The following ECRG4 variants were observed in gnomAD, a reference collection of about 807,000 sequenced individuals.
ECRG4 encodes ECRG4 augurin precursor.
Under a neutral mutation model 15.8 loss-of-function variants are expected in ECRG4, and 18 were observed. The observed-to-expected ratio is 1.14, with a 90% CI of 0.79 to 1.69. ECRG4 has a LOEUF of 1.69. Among genes scored for constraint, ECRG4 ranks in the 40% most tolerant of loss-of-function variants. The pLI is 0.00. For synonymous variants in ECRG4, 82 were observed against 73.9 expected (o/e 1.11, Z -0.56); for missense variants, 200 against 190.9 (o/e 1.05, Z -0.28).
At chr2:106,071,756 G>A (rs1439447174) in intron 1 of ECRG4, 88 bp from the exon 2 acceptor site, 11 of 1,117,350 alleles carry the variant, frequency 9.8e-6, no homozygotes, top group Non-Finnish European at 1.5e-5. Context: ...GGGGCCCGCA[G>A]TTCTTTTCTC....
upstream of ECRG4, chr2:106,065,602 C>T: frequency 2.1e-6 from 1 of 469,598 alleles, no homozygotes; most frequent in Middle Eastern, 5.8e-4. Context: ...CCGCTTGGCC[C>T]TCAGCCCTCT....
upstream of ECRG4, chr2:106,063,352 C>A (rs1262219819): frequency 6.6e-6 from 1 of 152,230 alleles, no homozygotes; most frequent in South Asian, 2.1e-4. Flanking sequence ...AAATCCATTT[C>A]TGTTGCTTAT....
In ECRG4 at chr2:106,072,196, A is replaced by G. The variant is rs1676384777; in HGVS notation, c.127+305A>G. 7 of 258,266 alleles carry G rather than the reference A, an allele frequency of 2.7e-5. No individual in the cohort carries two copies. The South Asian group carries it at 7.2e-4, about 26-fold the overall frequency. The allele number at this position is 258,266 out of a possible 1,614,324, so 16.0% of individuals were successfully genotyped here. A position where few individuals can be genotyped will look rare whatever the true frequency, so the allele number is the denominator to read the frequency against. On this transcript the variant is annotated intron_variant, in intron 2 of 3. Coordinates refer to ENST00000238044, the MANE Select transcript of ECRG4 (RefSeq NM_032411.3). ...TTATTTTAGGACCATGGAGCACTTT[A>G]GAGACTATCTTTGGAACACATAATC...
upstream of ECRG4, chr2:106,064,457 C>T (rs941642811): frequency 2.6e-5 from 4 of 152,266 alleles, no homozygotes; most frequent in African/African-American, 9.6e-5. Flanking sequence ...GCGGGTGAAT[C>T]ATTTGAGTTC....
chr2:106,074,302 T>A (rs1676437911), intron 3 of ECRG4: 1 of 406,906 alleles, frequency 2.5e-6, no homozygotes, highest in South Asian at 5.1e-5. Context: ...GGGACCTAGA[T>A]TCATCGAGAA....
chr2:106,073,424 C>T (rs80013398), intron 2 of ECRG4, among the ~76,000 whole-genome samples: 2,756 of 152,254 alleles, frequency 0.018, 51 homozygotes, highest in East Asian at 0.081. Context: ...GCTCATCATT[C>T]CAGTTCCTTT....
In ECRG4 at chr2:106,078,105, G is replaced by A; in HGVS notation, c.*179G>A. The A allele has an allele frequency of 2.2e-6, 1 of 452,794 alleles. No homozygotes were observed. The highest frequency in any genetic ancestry group is 7.5e-5 in the South Asian group (1 of 13,334). The allele number at this position is 452,794 out of a possible 1,614,324, so 28.0% of individuals were successfully genotyped here. On this transcript the variant is annotated 3_prime_UTR_variant, in exon 4 of 4. Transcript: ENST00000238044. ...TGTAAATGCCTTTTGATATTTCATG[G>A]GAATGCCTCTCATTTAAAAATAGAA...
chr2:106,074,708 T>C (rs1353244977), intron 3 of ECRG4, among the ~76,000 whole-genome samples: 1 of 152,196 alleles, frequency 6.6e-6, no homozygotes, highest in Admixed American at 6.5e-5. Flanking sequence ...CCATGGTGAC[T>C]GAGGAGGCTG....
At chr2:106,075,907 A>G (rs1021357959) in intron 3 of ECRG4, among the ~76,000 whole-genome samples, 2 of 152,232 alleles carry the variant, frequency 1.3e-5, no homozygotes, top group Non-Finnish European at 2.9e-5. Flanking sequence ...TTCTTTTTCT[A>G]TGCTCTTCTC....
chr2:106,073,834 GAGGA>G (rs767583028), intron 2 of ECRG4, 48 bp from the exon 3 acceptor site: 438 of 1,589,626 alleles, frequency 2.8e-4, no homozygotes, highest in Middle Eastern at 8.3e-4. Context: ...CACCGCAAGT[GAGGA>G]AGGAAGTCAT....
At position 106,067,837 on chromosome 2, in the gene ECRG4, CT is replaced by C. The variant is rs34289824; in HGVS notation, c.79+2009del. The stretch of plus-strand genomic sequence containing the variant: ...GGTGACTCTTTATGCCACCTCCAAA[CT>C]TTTTTTTTTTTTTTGAGACAGGGTC... On this transcript the variant is annotated intron_variant, in intron 1 of 3. Coordinates refer to ENST00000238044, the MANE Select transcript of ECRG4 (RefSeq NM_032411.3). Among the ~76,000 whole-genome samples the C allele has an allele frequency of 6.2e-3, 882 of 141,650 alleles. 5 individuals are homozygous for C. The highest frequency in any genetic ancestry group is 0.011 in the African/African-American group (434 of 38,758). 92.9% of individuals were successfully genotyped at this position (141,650 alleles called of 152,430 possible).
intron 1 of ECRG4, among the ~76,000 whole-genome samples, chr2:106,069,436 C>T (rs1352346234): frequency 7.3e-5 from 11 of 151,614 alleles, no homozygotes; most frequent in African/African-American, 2.4e-4. Flanking sequence ...CAGGTTCAAG[C>T]GATTCTCCTG....
chr2:106,065,719 G>A lies in ECRG4; in HGVS notation c.-46G>A. ...CTCCCGCGCCCGGTTCTCCCTCGCA[G>A]CACCTCGAAGTGCGCCCCTCGCCCT... On this transcript the variant is annotated 5_prime_UTR_variant, in exon 1 of 4. Coordinates refer to ENST00000238044, the MANE Select transcript of ECRG4 (RefSeq NM_032411.3). The A allele has an allele frequency of 1.4e-6, 2 of 1,413,974 alleles. No individual in the cohort carries two copies. The highest frequency in any genetic ancestry group is 1.9e-6 in the Non-Finnish European group (2 of 1,073,336). The allele number at this position is 1,413,974 out of a possible 1,614,324, so 87.6% of individuals were successfully genotyped here. A position where few individuals can be genotyped will look rare whatever the true frequency, so the allele number is the denominator to read the frequency against.
intron 3 of ECRG4, among the ~76,000 whole-genome samples, chr2:106,077,031 C>T (rs1676502081): frequency 6.6e-6 from 1 of 152,202 alleles, no homozygotes; most frequent in Non-Finnish European, 1.5e-5. Context: ...CATCATTCTA[C>T]ACTACTTACT....
chr2:106,068,590 G>T (rs1327067936), intron 1 of ECRG4, among the ~76,000 whole-genome samples: 1 of 152,146 alleles, frequency 6.6e-6, no homozygotes, highest in Non-Finnish European at 1.5e-5. Flanking sequence ...CAGCCTCATC[G>T]CAAATGCCTA....
At chr2:106,077,568 A>G (rs1009730577) in intron 3 of ECRG4, among the ~76,000 whole-genome samples, 197 bp from the exon 4 acceptor site, 1 of 152,238 alleles carries the variant, frequency 6.6e-6, no homozygotes, top group Non-Finnish European at 1.5e-5. Flanking sequence ...CTCCTTTGGG[A>G]AAAGATAGCT....
intron 3 of ECRG4, chr2:106,074,251 T>G: frequency 1.7e-6 from 1 of 584,036 alleles, no homozygotes; most frequent in South Asian, 2.4e-5. Flanking sequence ...CAGGGTACAT[T>G]CAGGAGGCAG....
intron 1 of ECRG4, among the ~76,000 whole-genome samples, chr2:106,067,471 TA>T (rs1024359367): frequency 6.4e-5 from 9 of 141,124 alleles, no homozygotes; most frequent in African/African-American, 1.6e-4. Context: ...ACAGTGAAAA[TA>T]TTTTTTTTTT....
chr2:106,065,325 C>T (rs112647300), upstream of ECRG4, among the ~76,000 whole-genome samples: 762 of 138,730 alleles, frequency 5.5e-3, 6 homozygotes, highest in Middle Eastern at 0.058. Context: ...CAAGGAGACA[C>T]CCCAGCGCTG....
Sources: gnomAD v4.1 joint callset for allele counts (sites outside exome capture counted in the v4.1 genomes callset) on GRCh38, gnomAD v4.1.1 for gene constraint, MANE v1.5 for transcripts, NCBI Gene and HGNC (gene_info 2026-07-23, HGNC 2026-07-21) for gene names.